The following FBXO15 variants were observed in gnomAD, a reference collection of about 807,000 sequenced individuals.
FBXO15 encodes the protein F-box only protein 15.
FBXO15 carries 30 observed loss-of-function variants against 49.5 expected under a neutral mutation model. The ratio of observed to expected loss-of-function variants is 0.61; its 90% CI spans 0.45 to 0.82. The LOEUF (loss-of-function observed/expected upper bound fraction) is 0.82, where lower values mean the gene tolerates loss of function less well. Ranked by LOEUF, FBXO15 falls within the 40% of genes least tolerant of loss-of-function variation. FBXO15 has a pLI of 0.00. For synonymous variants in FBXO15, 250 were observed against 232.7 expected, an observed-to-expected ratio of 1.07 and a Z score of -0.68; for missense variants, 591 against 631.5, an observed-to-expected ratio of 0.94 and a Z score of 0.69.
At chr18:74,122,040 C>G (rs1914491352) in intron 8 of FBXO15, among the ~76,000 whole-genome samples, 1 of 152,188 alleles carries the variant, frequency 6.6e-6, no homozygotes, top group African/African-American at 2.4e-5. Flanking sequence ...CCTGAATTCC[C>G]ACCACATGTT....
chr18:74,126,725 C>T (rs566547138), intron 5 of FBXO15, among the ~76,000 whole-genome samples: 4 of 152,172 alleles, frequency 2.6e-5, no homozygotes, highest in African/African-American at 9.7e-5. Flanking sequence ...GTGCCCAGCA[C>T]CTCAGGCACA....
intron 8 of FBXO15, among the ~76,000 whole-genome samples, chr18:74,107,225 T>A (rs993476862): frequency 6.6e-6 from 1 of 151,216 alleles, no homozygotes; most frequent in African/African-American, 2.4e-5. Flanking sequence ...TTCTGTCATT[T>A]GTAATAATAT....
intron 8 of FBXO15, among the ~76,000 whole-genome samples, chr18:74,096,658 AC>A (rs1423660546): frequency 1.3e-5 from 2 of 151,694 alleles, no homozygotes; most frequent in African/African-American, 4.8e-5. Flanking sequence ...AAAAAAAAAA[AC>A]ACAAAAAACA....
rs112682916 is a variant in FBXO15, at chr18:74,135,292, C to T, written c.332+470G>A. ...TCGCTCTCCCCACAGAGTAAGTTAA[C>T]TTGATTGGCATGTTTGGGAGGAGAA... On this transcript the variant is annotated intron_variant, in intron 3 of 9. Coordinates refer to ENST00000419743, the MANE Select transcript of FBXO15 (RefSeq NM_001142958.2). Among the ~76,000 whole-genome samples the T allele has an allele frequency of 3.5e-3, 538 of 152,336 alleles. 3 individuals are homozygous for T. Among genetic ancestry groups the T allele is most frequent in the African/African-American group, 0.012 (513 of 41,568 alleles).
At chr18:74,087,995 T>C (rs956858268) in intron 8 of FBXO15, among the ~76,000 whole-genome samples, 2 of 152,218 alleles carry the variant, frequency 1.3e-5, no homozygotes, top group Admixed American at 1.3e-4. Flanking sequence ...CATATGCTTG[T>C]TGGCAGCATG....
intron 8 of FBXO15, among the ~76,000 whole-genome samples, chr18:74,093,266 G>GA (rs933893610): frequency 7.3e-5 from 11 of 149,906 alleles, no homozygotes; most frequent in East Asian, 4.0e-4. Flanking sequence ...AAAACAATGG[G>GA]GGGGGGGTGG....
At chr18:74,139,909 T>C (rs1258337805) in intron 2 of FBXO15, among the ~76,000 whole-genome samples, 7 of 152,188 alleles carry the variant, frequency 4.6e-5, no homozygotes, top group Non-Finnish European at 8.8e-5. Context: ...TTCTTTCTCC[T>C]TTTTCAAGGG....
rs200672465 is a variant in FBXO15, at chr18:74,081,987, T to C, written c.1203A>G (p.Leu401=). Residue 401 remains leucine, a synonymous_variant, in exon 9 of 10, where the codon CTA becomes CTG. Transcript: ENST00000419743. The part of the protein sequence containing the change: ...VIHLKNNREH[L]PLIGKVGLSW... ...AGAGGCCAACTTTTCCAATAAGAGG[T>C]AGGTGTTCTCTGTTATTTTTTAAAT... 3.7e-6 allele frequency: 6 copies of C among 1,612,844 alleles called. No homozygotes were observed. The African/African-American group carries it at 8.0e-5, about 22-fold the overall frequency.
intron 8 of FBXO15, among the ~76,000 whole-genome samples, chr18:74,101,487 A>G (rs1371665963): frequency 6.6e-6 from 1 of 152,164 alleles, no homozygotes; most frequent in African/African-American, 2.4e-5. Flanking sequence ...ATGAAAACAC[A>G]TCCCATGCTC....
In FBXO15 at chr18:74,130,499, T is replaced by TG. The variant is rs1485188795; in HGVS notation, c.491dup (p.Ser165IlefsTer8). On this transcript the variant is annotated frameshift_variant, in exon 4 of 10. Transcript: ENST00000419743. LOFTEE classifies it high-confidence loss of function. The stretch of plus-strand genomic sequence containing the variant: ...TGTCAGCTAGTGCGGCTTTTACAGA[T>TG]GCTATTTGTTTTGTGATATATTCTT... 1.2e-6 allele frequency: 2 copies of TG among 1,614,092 alleles called. No individual in the cohort carries two copies. Among genetic ancestry groups the TG allele is most frequent in the East Asian group, 4.5e-5 (2 of 44,896 alleles).
chr18:74,105,266 T>A (rs62097008), intron 8 of FBXO15, among the ~76,000 whole-genome samples: 13,320 of 152,226 alleles, frequency 0.088, 820 homozygotes, highest in Admixed American at 0.2. Context: ...TGATTGCCTA[T>A]TATATATTTC....
intron 5 of FBXO15, among the ~76,000 whole-genome samples, chr18:74,126,311 C>T (rs1427564988): frequency 6.6e-6 from 1 of 152,182 alleles, no homozygotes; most frequent in Admixed American, 6.5e-5. Context: ...TATTTCTTCC[C>T]CTCCGTCTTG....
intron 8 of FBXO15, among the ~76,000 whole-genome samples, chr18:74,112,123 A>G (rs1182945367): frequency 6.6e-6 from 1 of 152,226 alleles, no homozygotes; most frequent in Non-Finnish European, 1.5e-5. Flanking sequence ...AGGAAGAAAT[A>G]ATATCAATTC....
At position 74,120,793 on chromosome 18, in the gene FBXO15, A is replaced by G. The variant is rs555839665; in HGVS notation, c.1138+2575T>C. Among the ~76,000 whole-genome samples the G allele has an allele frequency of 2.0e-5, 3 of 152,250 alleles. No homozygotes were observed. The East Asian group carries it at 5.8e-4, about 29-fold the overall frequency. ...AAACAGAAAATTACAACATAAGCAG[A>G]AAAAAAGTAGAAAGAATAGAAATCA... is the stretch of plus-strand genomic sequence containing the variant. On this transcript the variant is annotated intron_variant, in intron 8 of 9. Coordinates refer to ENST00000419743, the MANE Select transcript of FBXO15 (RefSeq NM_001142958.2).
intron 8 of FBXO15, among the ~76,000 whole-genome samples, chr18:74,106,127 G>C (rs1458549889): frequency 6.6e-6 from 1 of 152,018 alleles, no homozygotes; most frequent in Admixed American, 6.5e-5. Flanking sequence ...AATCCTAAGA[G>C]GTAAGGGTAC....
chr18:74,144,150 C>A (rs1361376169), intron 1 of FBXO15, among the ~76,000 whole-genome samples: 1 of 152,152 alleles, frequency 6.6e-6, no homozygotes, highest in Admixed American at 6.5e-5. Context: ...CTTTCAGTAA[C>A]AAAAACCACA....
intron 1 of FBXO15, chr18:74,146,899 T>A (rs1979455664): frequency 6.6e-6 from 1 of 151,802 alleles, no homozygotes; most frequent in South Asian, 2.1e-4. Flanking sequence ...AATCAAGGAG[T>A]CTTACAAGCA....
intron 5 of FBXO15, among the ~76,000 whole-genome samples, chr18:74,127,397 G>A (rs1978292494): frequency 1.3e-5 from 2 of 152,254 alleles, no homozygotes; most frequent in Admixed American, 1.3e-4. Context: ...CTGCAGAGCA[G>A]AAAGTGCTGG....
chr18:74,133,781 G>C (rs1269794643), intron 3 of FBXO15, among the ~76,000 whole-genome samples: 1 of 152,192 alleles, frequency 6.6e-6, no homozygotes. Flanking sequence ...GGCAGAGAGA[G>C]AGAAATAGAG....
Sources: allele counts gnomAD v4.1 joint callset (sites outside exome capture counted in the v4.1 genomes callset), GRCh38; gene constraint gnomAD v4.1.1; transcripts MANE v1.5; gene names NCBI Gene and HGNC (gene_info 2026-07-23, HGNC 2026-07-21).